Variants in ARHGEF10 observed in about 807,000 individuals in gnomAD.
ARHGEF10 encodes the protein Rho guanine nucleotide exchange factor 10, also known as Rho guanine nucleotide exchange factor (GEF) 10.
A neutral mutation model predicts 147.4 loss-of-function variants in ARHGEF10; 140 were observed. That is an observed-to-expected ratio of 0.95 (90% confidence interval 0.83 to 1.09). The LOEUF is 1.09. Among genes scored for constraint, ARHGEF10 ranks in the 50% least tolerant of loss-of-function variants. The pLI is 0.00. For synonymous variants in ARHGEF10, 902 were observed against 695.8 expected, an observed-to-expected ratio of 1.30 and a Z score of -4.67; for missense variants, 2,222 against 1,752.7, an observed-to-expected ratio of 1.27 and a Z score of -4.78.
intron 2 of ARHGEF10, among the ~76,000 whole-genome samples, chr8:1,854,573 G>A (rs1805406118): frequency 1.3e-5 from 2 of 152,144 alleles, no homozygotes; most frequent in African/African-American, 4.8e-5. Flanking sequence ...TTCAATGACA[G>A]CAGAGAGCTC....
At chr8:1,893,218 A>T (rs1809695626) in intron 11 of ARHGEF10, among the ~76,000 whole-genome samples, 2 of 151,448 alleles carry the variant, frequency 1.3e-5, no homozygotes, top group South Asian at 4.1e-4. Flanking sequence ...ACTATTTTTT[A>T]TCCTGAATTC....
rs921049103 is a variant in ARHGEF10, at chr8:1,860,262, T to G, written c.481+78T>G. 3.9e-5 allele frequency: 58 copies of G among 1,474,498 alleles called. 1 individual carries two copies. In the African/African-American group the frequency reaches 5.4e-4, roughly 14 times the overall value. The allele number at this position is 1,474,498 out of a possible 1,614,324, so 91.3% of individuals were successfully genotyped here. A position where few individuals can be genotyped will look rare whatever the true frequency, so the allele number is the denominator to read the frequency against. On this transcript the variant is annotated intron_variant, in intron 4 of 28. Coordinates refer to ENST00000349830, the MANE Select transcript of ARHGEF10 (RefSeq NM_014629.4). ...TCCACGCCCCCGAAGTGGCCTGTGG[T>G]TCCCTCCTCTGCATGCCCCGGATGT... is the stretch of plus-strand genomic sequence containing the variant.
intron 13 of ARHGEF10, among the ~76,000 whole-genome samples, chr8:1,895,199 C>T (rs1213329444): frequency 1.3e-5 from 2 of 152,202 alleles, no homozygotes; most frequent in African/African-American, 4.8e-5. Context: ...GTGGTTTCTG[C>T]ACTGGCAGTT....
In ARHGEF10 at chr8:1,876,638, G is replaced by C; in HGVS notation, c.747G>C (p.Trp249Cys). ...EGGNSSLEYG[W>C]SSSEFESYEE... Reference sequence around the variant, plus strand: ...GAAACAGCTCCTTGGAATACGGATGGAGTTCGAGTGAATTTGAAAGTTACG... The same window carrying C: ...GAAACAGCTCCTTGGAATACGGATGCAGTTCGAGTGAATTTGAAAGTTACG... The change falls in exon 8 of 29, where the codon TGG (tryptophan) becomes TGC (cysteine). Residue 249 changes from tryptophan (W) to cysteine (C), a missense_variant. By Grantham distance (215) the Trp-to-Cys change is radical. Transcript: ENST00000349830. 1 of 1,614,218 alleles carries C rather than the reference G, an allele frequency of 6.2e-7. No homozygotes were observed. The highest frequency in any genetic ancestry group is 1.3e-5 in the African/African-American group (1 of 75,070).
At chr8:1,898,673 AG>A (rs1810216850) in intron 15 of ARHGEF10, 148 bp downstream of exon 15, 2 of 859,858 alleles carry the variant, frequency 2.3e-6, no homozygotes, top group African/African-American at 3.3e-5. Context: ...TGGAGGGTAG[AG>A]GCAGGTGGAG....
chr8:1,954,403 A>G (rs996888303), intron 28 of ARHGEF10, among the ~76,000 whole-genome samples: 2 of 152,212 alleles, frequency 1.3e-5, no homozygotes, highest in Middle Eastern at 3.4e-3. Context: ...TGCTCATTGG[A>G]GGAATTCAGA....
chr8:1,838,147 C>CG (rs1803702111), intron 1 of ARHGEF10, among the ~76,000 whole-genome samples: 1 of 152,136 alleles, frequency 6.6e-6, no homozygotes, highest in African/African-American at 2.4e-5. Flanking sequence ...TGGGATCCAC[C>CG]GGGGGTGCCG....
At chr8:1,888,343 C>T (rs796270570) in intron 11 of ARHGEF10, among the ~76,000 whole-genome samples, 2 of 107,488 alleles carry the variant, frequency 1.9e-5, no homozygotes, top group South Asian at 3.7e-4. Context: ...TGTGAGGAGA[C>T]ACTGAGTGGG....
intron 11 of ARHGEF10, among the ~76,000 whole-genome samples, chr8:1,893,229 A>G (rs1185155375): frequency 6.6e-6 from 1 of 152,154 alleles, no homozygotes; most frequent in Non-Finnish European, 1.5e-5. Context: ...TCCTGAATTC[A>G]TAGGAAGTAT....
At position 1,893,646 on chromosome 8, in the gene ARHGEF10, G is replaced by A. The variant is rs754681079; in HGVS notation, c.1260G>A (p.Glu420=). The change falls in exon 12 of 29, where the codon GAG becomes GAA. Residue 420 remains glutamate (E), a splice_region_variant and synonymous_variant. Transcript: ENST00000349830. ...TAGATGCTCTTAAGAGGATTTTGGA[G>A]GTACTTAAGTGTCGTGTTACATAAT... ...NYVDALKRIL[E]QYEKPLSEME... 1 of 1,606,638 alleles carries A rather than the reference G, an allele frequency of 6.2e-7. No individual in the cohort carries two copies. The highest frequency in any genetic ancestry group is 1.1e-5 in the South Asian group (1 of 90,904).
rs1034185990 is a variant in ARHGEF10 at position 1,871,658 on chromosome 8, A to C, written c.679+2408A>C. 2.0e-5 allele frequency among the ~76,000 whole-genome samples: 3 copies of C among 152,226 alleles called. No homozygotes were observed. The East Asian group carries it at 5.8e-4, about 29-fold the overall frequency. ...GATGGTGAAACCCCATCTCTACTAA[A>C]AGTACAAAAATTAGCCGGGCATGAT... On this transcript the variant is annotated intron_variant, in intron 7 of 28. Coordinates refer to ENST00000349830, the MANE Select transcript of ARHGEF10 (RefSeq NM_014629.4).
intron 3 of ARHGEF10, 72 bp downstream of exon 3, chr8:1,858,187 T>C: frequency 1.1e-5 from 11 of 1,037,920 alleles, no homozygotes; most frequent in Non-Finnish European, 1.4e-5. Context: ...TGGGTCCCCA[T>C]GTGAGTCACC....
At position 1,950,273 on chromosome 8, in the gene ARHGEF10, G is replaced by A. The variant is rs115682107; in HGVS notation, c.3398-2432G>A. Among the ~76,000 whole-genome samples, 381 of 152,270 alleles carry A rather than the reference G, an allele frequency of 2.5e-3. 1 individual carries two copies. Among genetic ancestry groups the A allele is most frequent in the African/African-American group, 8.8e-3 (364 of 41,550 alleles). ...GTTCTAGGTCACTGTTGGTGCTTCC[G>A]GACGGGCACGGGACGCCTGGATAGC... On this transcript the variant is annotated intron_variant, in intron 27 of 28. Coordinates refer to ENST00000349830, the MANE Select transcript of ARHGEF10 (RefSeq NM_014629.4).
At chr8:1,844,075 G>A (rs1338819691) in intron 2 of ARHGEF10, among the ~76,000 whole-genome samples, 2 of 152,358 alleles carry the variant, frequency 1.3e-5, no homozygotes, top group South Asian at 4.1e-4. Flanking sequence ...ACCTGGCCTA[G>A]GTCCTCCCGG....
intron 14 of ARHGEF10, among the ~76,000 whole-genome samples, chr8:1,896,822 C>T (rs192002422): frequency 2.2e-4 from 33 of 152,286 alleles, no homozygotes; most frequent in Admixed American, 8.5e-4. Flanking sequence ...GAGGCACCGG[C>T]CTGGAGAGTC....
At chr8:1,896,288 A>T (rs563843878) in intron 13 of ARHGEF10, 45 bp from the exon 14 acceptor site, 295 of 1,343,864 alleles carry the variant, frequency 2.2e-4, no homozygotes, top group Non-Finnish European at 1.4e-4. Flanking sequence ...GAAAAGGGAT[A>T]TCTGGACTCT....
Position 1,832,557 on chromosome 8 carries a change from GAGAGACAGAGGC to G in ARHGEF10, c.-48+8467_-48+8478del, listed in dbSNP as rs1191142316. Among the ~76,000 whole-genome samples the G allele has an allele frequency of 1.6e-4, 24 of 146,990 alleles. No homozygotes were observed. In the East Asian group the frequency reaches 1.8e-3, roughly 11 times the overall value. ...ACACAGAGGCAGAGGCAGAGACAGA[GAGAGACAGAGGC>G]AGAGACAGAGGCAGAGACAGAGACA... On this transcript the variant is annotated intron_variant, in intron 1 of 28. Coordinates refer to ENST00000349830, the MANE Select transcript of ARHGEF10 (RefSeq NM_014629.4).
At chr8:1,925,726 G>A (rs1039887124) in intron 22 of ARHGEF10, among the ~76,000 whole-genome samples, 36 of 152,148 alleles carry the variant, frequency 2.4e-4, no homozygotes, top group African/African-American at 7.7e-4. Flanking sequence ...CCTTTGCTTG[G>A]CAAGCAGTCT....
chr8:1,843,538 T>G, intron 2 of ARHGEF10, 102 bp downstream of exon 2: 79 of 884,046 alleles, frequency 8.9e-5, no homozygotes, highest in Middle Eastern at 3.1e-4. Flanking sequence ...CACTGGGGTA[T>G]GGGGTGGAGT....
Sources: allele counts gnomAD v4.1 joint callset (sites outside exome capture counted in the v4.1 genomes callset), GRCh38; gene constraint gnomAD v4.1.1; transcripts MANE v1.5; gene names NCBI Gene and HGNC (gene_info 2026-07-23, HGNC 2026-07-21).